SLC19A1: variants seen among roughly 807,000 people sequenced by gnomAD.
The protein encoded by SLC19A1 is solute carrier family 19 member 1, also known as reduced folate transporter.
SLC19A1 carries 37 observed loss-of-function variants against 35.3 expected under a neutral mutation model. The ratio of observed to expected loss-of-function variants is 1.05; its 90% CI spans 0.81 to 1.38. The LOEUF (loss-of-function observed/expected upper bound fraction) is 1.38, where lower values mean the gene tolerates loss of function less well. Among genes scored for constraint, SLC19A1 ranks in the 40% most tolerant of loss-of-function variants. SLC19A1 has a pLI of 0.00. For synonymous variants in SLC19A1, 460 were observed against 398.5 expected (o/e 1.15, Z -1.84); for missense variants, 831 against 826.9 (o/e 1.00, Z -0.06).
intron 3 of SLC19A1, chr21:45,504,600 T>C (rs758906710): frequency 6.5e-7 from 1 of 1,537,782 alleles, no homozygotes; most frequent in Non-Finnish European, 8.8e-7. Flanking sequence ...CCCAGGGGTC[T>C]GGGTGCAGGA....
At position 45,537,755 on chromosome 21, in the gene SLC19A1, C is replaced by G. The variant is rs2078172856; in HGVS notation, c.189+16G>C. On this transcript the variant is annotated intron_variant, in intron 2 of 5. Coordinates refer to ENST00000311124, the MANE Select transcript of SLC19A1 (RefSeq NM_194255.4). ...CCACCCACAGGCGGCCGCCCGGCACCCCGGCACCCACATGCCTGCTCCCGC... is the reference window on the plus strand; with the variant it reads ...CCACCCACAGGCGGCCGCCCGGCACGCCGGCACCCACATGCCTGCTCCCGC... 7 of 1,389,690 alleles carry G rather than the reference C, an allele frequency of 5.0e-6. No individual in the cohort carries two copies. The Admixed American group carries it at 1.9e-4, about 38-fold the overall frequency. The allele number at this position is 1,389,690 out of a possible 1,614,324, so 86.1% of individuals were successfully genotyped here.
At chr21:45,557,962 A>G (rs183028026) in intron 1 of SLC19A1, among the ~76,000 whole-genome samples, 36 of 152,320 alleles carry the variant, frequency 2.4e-4, no homozygotes, top group Admixed American at 2.1e-3. Context: ...ATTCCTGTTT[A>G]GACATGAGCT....
At position 45,531,712 on chromosome 21, in the gene SLC19A1, C is replaced by T; in HGVS notation, c.626G>A (p.Ser209Asn). ...LALFLKRPKR[S>N]LFFNRDDRGR... ...CCGGTCGTCGCGGTTGAAGAAGAGG[C>T]TGCGCTTGGGGCGCTTCAGGAAGAG... Residue 209 changes from serine to asparagine, a missense_variant, in exon 3 of 6, where the codon AGC becomes AAC. By Grantham distance (46) the Ser-to-Asn change is conservative. Coordinates refer to ENST00000311124, the MANE Select transcript of SLC19A1 (RefSeq NM_194255.4). 1 of 1,612,830 alleles carries T rather than the reference C, an allele frequency of 6.2e-7. No individual in the cohort carries two copies. The highest frequency in any genetic ancestry group is 8.5e-7 in the Non-Finnish European group (1 of 1,179,704).
At chr21:45,552,997 C>G (rs977800479) in intron 1 of SLC19A1, among the ~76,000 whole-genome samples, 1 of 152,186 alleles carries the variant, frequency 6.6e-6, no homozygotes, top group Non-Finnish European at 1.5e-5. Context: ...CACAAGACCT[C>G]GCGCAATGGA....
chr21:45,504,103 C>T (rs758070694), intron 3 of SLC19A1: 2 of 1,591,210 alleles, frequency 1.3e-6, no homozygotes, highest in East Asian at 2.2e-5. Flanking sequence ...CCTGTACATC[C>T]CGCTGGGTGG....
Position 45,526,770 on chromosome 21 carries a change from C to T in SLC19A1, c.1152-812G>A, listed in dbSNP as rs1375873907. ...TATTTTTAGTAGAGACAGAGTTTCA[C>T]CATGTTGGCCAGGCTGGTCTCGAGC... On this transcript the variant is annotated intron_variant, in intron 4 of 5. Transcript: ENST00000311124. 5.9e-5 allele frequency among the ~76,000 whole-genome samples: 9 copies of T among 152,224 alleles called. 1 individual carries two copies. Among genetic ancestry groups the T allele is most frequent in the Non-Finnish European group, 1.3e-4 (9 of 68,042 alleles).
Position 45,515,644 on chromosome 21 carries a change from G to A in SLC19A1, c.*14C>T, listed in dbSNP as rs970100795. The A allele has an allele frequency of 1.2e-6, 2 of 1,612,918 alleles. No homozygotes were observed. Among genetic ancestry groups the A allele is most frequent in the Non-Finnish European group, 1.7e-6 (2 of 1,179,980 alleles). ...GAGGGCCGCCTGCAAAGTTACCACA[G>A]GGGCGCCCGAGAGTCACTGGTTCAC... On this transcript the variant is annotated 3_prime_UTR_variant, in exon 6 of 6. Transcript: ENST00000311124.
rs1282699747 is a variant in SLC19A1 at position 45,513,847 on chromosome 21, T to G, written c.*1811A>C. ...CCGAGTGTGCACAGGCACGCACGGT[T>G]ACATGGGGTATGCATGCATGGCCAT... On this transcript the variant is annotated 3_prime_UTR_variant, in exon 6 of 6. Coordinates refer to ENST00000311124, the MANE Select transcript of SLC19A1 (RefSeq NM_194255.4). 1.3e-5 allele frequency: 2 copies of G among 152,236 alleles called. No homozygotes were observed. Among genetic ancestry groups the G allele is most frequent in the Non-Finnish European group, 2.9e-5 (2 of 68,056 alleles). The allele number at this position is 152,236 out of a possible 1,614,324, so 9.4% of individuals were successfully genotyped here.
intron 2 of SLC19A1, 113 bp downstream of exon 2, chr21:45,537,658 T>G: frequency 2.4e-6 from 2 of 818,594 alleles, no homozygotes. Context: ...AGCTGCTCCC[T>G]GCCCACCCAC....
Position 45,515,775 on chromosome 21 carries a change from G to C in SLC19A1, c.1659C>G (p.Ala553=), listed in dbSNP as rs747139381. Residue 553 remains alanine (A), a synonymous_variant, in exon 6 of 6, where the codon GCC becomes GCG. Coordinates refer to ENST00000311124, the MANE Select transcript of SLC19A1 (RefSeq NM_194255.4). The part of the protein sequence containing the change: ...PSPCTLCSAQ[A]SGPEAADETC... The stretch of plus-strand genomic sequence containing the variant: ...TCTCATCTGCAGCCTCAGGGCCTGA[G>C]GCTTGGGCGGAGCACAGAGTGCAGG... The C allele has an allele frequency of 1.1e-5, 17 of 1,613,662 alleles. No individual in the cohort carries two copies. The highest frequency in any genetic ancestry group is 1.4e-5 in the Non-Finnish European group (17 of 1,180,000).
chr21:45,512,176 C>T (rs748620358), downstream of SLC19A1: 56 of 1,608,104 alleles, frequency 3.5e-5, no homozygotes, highest in Admixed American at 6.7e-5. Context: ...GACGGCCCGG[C>T]GCGTCTTACA....
At chr21:45,509,721 T>G, downstream of SLC19A1, 1 of 740,296 alleles carries the variant, frequency 1.4e-6, no homozygotes, top group East Asian at 2.7e-5. Flanking sequence ...GGTGGGGGTC[T>G]GGCGGCTCAG....
rs1304363795 is a variant in SLC19A1 at position 45,530,961 on chromosome 21, C to T, written c.960G>A (p.Thr320=). Reference sequence around the variant, plus strand: ...TCTTCACGAAGCCCGCGGCGAAGGACGTGATGGCGCCTGAGAGGGGAGGGA... The same window carrying T: ...TCTTCACGAAGCCCGCGGCGAAGGATGTGATGGCGCCTGAGAGGGGAGGGA... ...DAASTLLGAI[T]SFAAGFVKIR... Residue 320 remains threonine, a synonymous_variant, in exon 4 of 6, where the codon ACG becomes ACA. Transcript: ENST00000311124. This position sits in a 1 kb window ranked among gnomAD's most constrained non-coding sequence, Gnocchi z 5.3. The T allele has an allele frequency of 8.0e-7, 1 of 1,249,914 alleles. No individual in the cohort carries two copies. The highest frequency in any genetic ancestry group is 1.0e-6 in the Non-Finnish European group (1 of 980,604). 77.4% of individuals were successfully genotyped at this position (1,249,914 alleles called of 1,614,324 possible).
At chr21:45,547,797 G>A (rs1602937230), upstream of SLC19A1, among the ~76,000 whole-genome samples, 1 of 152,286 alleles carries the variant, frequency 6.6e-6, no homozygotes, top group East Asian at 1.9e-4. Flanking sequence ...CCTGAGGGCT[G>A]CGTCAAGGGT....
At position 45,530,504 on chromosome 21, in the gene SLC19A1, G is replaced by A. The variant is rs543751319; in HGVS notation, c.1151+266C>T. Among the ~76,000 whole-genome samples, 17 of 152,276 alleles carry A rather than the reference G, an allele frequency of 1.1e-4. No homozygotes were observed. In the South Asian group the frequency reaches 3.5e-3, roughly 32 times the overall value. On this transcript the variant is annotated intron_variant, in intron 4 of 5. Transcript: ENST00000311124. The surrounding 1 kb of genome is among the most constrained non-coding windows in gnomAD (Gnocchi z 5.3). The stretch of plus-strand genomic sequence containing the variant: ...CTCAGCAGCCCGGGGCCTAGAGGGT[G>A]GGGTTGGGAGCAGGGCAAGGCTGTG...
upstream of SLC19A1, among the ~76,000 whole-genome samples, chr21:45,546,239 G>A (rs139701214): frequency 9.1e-4 from 139 of 152,358 alleles, no homozygotes; most frequent in African/African-American, 3.0e-3. Context: ...GCAGCTGAGC[G>A]GAGAAGCAAA....
In SLC19A1 at chr21:45,516,102, G is replaced by A. The variant is rs960393925; in HGVS notation, c.1332C>T (p.Ile444=). 2.5e-6 allele frequency: 4 copies of A among 1,606,810 alleles called. No individual in the cohort carries two copies. Among genetic ancestry groups the A allele is most frequent in the Admixed American group, 1.7e-5 (1 of 58,930 alleles). The change falls in exon 6 of 6, where the codon ATC becomes ATT. Residue 444 remains isoleucine (I), a synonymous_variant. Coordinates refer to ENST00000311124, the MANE Select transcript of SLC19A1 (RefSeq NM_194255.4). ...CCAGCATGGCCCCCAAGAAGTAGATGATGGACAGGATCAGGAAGTACACGG... is the reference window on the plus strand; with the variant it reads ...CCAGCATGGCCCCCAAGAAGTAGATAATGGACAGGATCAGGAAGTACACGG... ...LYSVYFLILS[I]IYFLGAMLDG...
chr21:45,537,900 G>A lies in SLC19A1; in HGVS notation c.60C>T (p.Pro20=), dbSNP rs753410664. The change falls in exon 2 of 6, where the codon CCC becomes CCT. Residue 20 remains proline, a synonymous_variant. Coordinates refer to ENST00000311124, the MANE Select transcript of SLC19A1 (RefSeq NM_194255.4). ...CGAGGTGCCGCCAGGACCGGAGCTC[G>A]GGGTCAGGCCCAGGTTCCACGGGCA... ...KQVPVEPGPD[P]ELRSWRHLVC... 2.4e-5 allele frequency: 38 copies of A among 1,597,316 alleles called. No individual in the cohort carries two copies. Among genetic ancestry groups the A allele is most frequent in the Middle Eastern group, 1.7e-4 (1 of 6,060 alleles).
intron 1 of SLC19A1, among the ~76,000 whole-genome samples, chr21:45,553,089 C>G (rs1258351908): frequency 2.0e-5 from 3 of 152,210 alleles, no homozygotes; most frequent in Admixed American, 1.3e-4. Context: ...AGGCTCAGGG[C>G]TGGGGCAGGA....
Sources: gnomAD v4.1 joint callset for allele counts (sites outside exome capture counted in the v4.1 genomes callset) on GRCh38, gnomAD v4.1.1 for gene constraint, Gnocchi (gnomAD v3.1) non-coding constraint, MANE v1.5 for transcripts, NCBI Gene and HGNC (gene_info 2026-07-23, HGNC 2026-07-21) for gene names.